CLN3: variants seen among roughly 807,000 people sequenced by gnomAD.
CLN3 encodes battenin.
A neutral mutation model predicts 60.7 loss-of-function variants in CLN3; 49 were observed. That is an observed-to-expected ratio of 0.81 (90% confidence interval 0.64 to 1.02). The LOEUF (loss-of-function observed/expected upper bound fraction) is 1.02, where lower values mean the gene tolerates loss of function less well. CLN3 is among the 50% of genes least tolerant of loss of function. The pLI, the probability that CLN3 is intolerant of heterozygous loss-of-function variation, is 0.00. For missense variants in CLN3, 516 were observed against 557.4 expected (o/e 0.93, Z 0.75); for synonymous variants, 256 against 245.8 (o/e 1.04, Z -0.39).
Position 28,491,600 on chromosome 16 carries a change from C to CAG in CLN3, c.47-42_47-41dup, listed in dbSNP as rs771988435. 6 of 1,613,608 alleles carry CAG rather than the reference C, an allele frequency of 3.7e-6. No individual in the cohort carries two copies. In the Admixed American group the frequency reaches 1.0e-4, roughly 27 times the overall value. ...AGAGGGCATGACCCCCACCTACTCT[C>CAG]AGGTGCACGACCGCTCCTTGCGTGT... On this transcript the variant is annotated intron_variant, in intron 2 of 15. Transcript: ENST00000636147.
chr16:28,481,494 G>A (rs917301706), intron 14 of CLN3, among the ~76,000 whole-genome samples: 18 of 147,716 alleles, frequency 1.2e-4, no homozygotes, highest in Admixed American at 8.9e-4. Flanking sequence ...CTTGTTCTTC[G>A]ATTCTTTCTC....
intron 4 of CLN3, 54 bp from the exon 5 acceptor site, chr16:28,488,716 G>C: frequency 1.3e-6 from 2 of 1,561,872 alleles, no homozygotes; most frequent in Non-Finnish European, 1.8e-6. Context: ...TAGACACACA[G>C]AGCCTGGCTC....
At chr16:28,483,249 T>A (rs749106497) in intron 10 of CLN3, among the ~76,000 whole-genome samples, 1 of 151,710 alleles carries the variant, frequency 6.6e-6, no homozygotes, top group African/African-American at 2.4e-5. Flanking sequence ...TGAGACAGAG[T>A]CTCACTCAGT....
downstream of CLN3, among the ~76,000 whole-genome samples, chr16:28,472,389 CAAAATAA>C (rs1567251373): frequency 6.6e-6 from 1 of 151,868 alleles, no homozygotes; most frequent in East Asian, 1.9e-4. Flanking sequence ...TGTCTCTAAA[CAAAATAA>C]AAAATAAAAG....
At chr16:28,472,650 G>A (rs182193011), downstream of CLN3, among the ~76,000 whole-genome samples, 56 of 150,852 alleles carry the variant, frequency 3.7e-4, 2 homozygotes, top group East Asian at 5.6e-3. Flanking sequence ...AGGCCAGCCT[G>A]GCCAACACGG....
At chr16:28,470,519 G>C (rs1177099837), downstream of CLN3, 2 of 900,602 alleles carry the variant, frequency 2.2e-6, no homozygotes, top group East Asian at 1.1e-4. Flanking sequence ...GAAGGGGACG[G>C]GGACCGGGGC....
rs749609898 is a variant in CLN3 at position 28,486,383 on chromosome 16, A to G, written c.641T>C (p.Leu214Pro). ...QAGLSPQQTLLSMLGIPALLL... is the reference protein window; with the variant it reads ...QAGLSPQQTLPSMLGIPALLL... ...CAGGGCAGGGATACCCAGCATGGAC[A>G]GCAGGGTCTGCTGAGGGGAGAGGCC... is the stretch of plus-strand genomic sequence containing the variant. Residue 214 changes from leucine (L) to proline (P), a missense_variant, in exon 9 of 16, where the codon CTG (leucine) becomes CCG (proline). Coordinates refer to ENST00000636147, the MANE Select transcript of CLN3 (RefSeq NM_001042432.2). 15 of 1,613,008 alleles carry G rather than the reference A, an allele frequency of 9.3e-6. No homozygotes were observed. The highest frequency in any genetic ancestry group is 1.3e-5 in the Non-Finnish European group (15 of 1,180,030).
chr16:28,487,316 C>T (rs909790576), intron 7 of CLN3, 140 bp downstream of exon 7: 1 of 749,576 alleles, frequency 1.3e-6, no homozygotes, highest in African/African-American at 1.7e-5. Flanking sequence ...TCTCCCATCG[C>T]CTACTGCTGA....
chr16:28,482,064 G>T, intron 14 of CLN3, 41 bp downstream of exon 14: 4 of 1,511,336 alleles, frequency 2.6e-6, no homozygotes, highest in Non-Finnish European at 3.7e-6. Flanking sequence ...GCCAAGCTGG[G>T]AGCCAAGGTG....
Position 28,482,409 on chromosome 16 carries a change from T to G in CLN3, c.907-27A>C, listed in dbSNP as rs552615254. 5 of 1,613,946 alleles carry G rather than the reference T, an allele frequency of 3.1e-6. No individual in the cohort carries two copies. The South Asian group carries it at 4.4e-5, about 14-fold the overall frequency. On this transcript the variant is annotated intron_variant, in intron 12 of 15. Coordinates refer to ENST00000636147, the MANE Select transcript of CLN3 (RefSeq NM_001042432.2). The stretch of plus-strand genomic sequence containing the variant: ...TGCAACAAATACCAGACAGGGGAGA[T>G]GGACGGGGCTGTGTGGGTCCCAGCC...
intron 14 of CLN3, among the ~76,000 whole-genome samples, chr16:28,480,233 G>A (rs1191589443): frequency 6.7e-6 from 1 of 149,810 alleles, no homozygotes; most frequent in East Asian, 1.9e-4. Flanking sequence ...TTAATTTTTT[G>A]TAGAGGTGGG....
intron 10 of CLN3, among the ~76,000 whole-genome samples, chr16:28,483,088 G>C (rs2046131530): frequency 1.3e-5 from 2 of 151,766 alleles, no homozygotes; most frequent in African/African-American, 4.8e-5. Context: ...TGGGCAACAA[G>C]AGCGAAACTC....
chr16:28,487,544 G>GAGGGGGTGAGAAGGGA lies in CLN3; in HGVS notation c.375-19_375-4dup, dbSNP rs755313503. The GAGGGGGTGAGAAGGGA allele has an allele frequency of 1.3e-4, 207 of 1,613,568 alleles. No homozygotes were observed. Among genetic ancestry groups the GAGGGGGTGAGAAGGGA allele is most frequent in the Admixed American group, 5.7e-4 (34 of 59,958 alleles). Reference sequence around the variant, plus strand: ...TCCCACTGACGAGAACCCGGGGGCTGAGGGGGTGAGAAGGGAAGGGAGGGG... The same window carrying GAGGGGGTGAGAAGGGA: ...TCCCACTGACGAGAACCCGGGGGCTGAGGGGGTGAGAAGGGAAGGGGGTGAGAAGGGAAGGGAGGGG... On this transcript the variant is annotated splice_polypyrimidine_tract_variant and splice_region_variant and intron_variant, in intron 6 of 15. Transcript: ENST00000636147.
At chr16:28,486,251 C>T in intron 9 of CLN3, 96 bp downstream of exon 9, 2 of 1,549,088 alleles carry the variant, frequency 1.3e-6, no homozygotes, top group South Asian at 2.3e-5. Flanking sequence ...CTTGGCCTCC[C>T]AAAGTGCTGG....
intron 14 of CLN3, 64 bp downstream of exon 14, chr16:28,482,040 TG>T: frequency 8.0e-7 from 1 of 1,252,102 alleles, no homozygotes; most frequent in Non-Finnish European, 1.2e-6. Context: ...GCAGGGGGTT[TG>T]GGGAAGCTGG....
chr16:28,470,900 T>A (rs1483919476), downstream of CLN3, among the ~76,000 whole-genome samples: 8 of 113,748 alleles, frequency 7.0e-5, no homozygotes, highest in Admixed American at 5.5e-4. Context: ...CGCCAAACCT[T>A]CTTCGGTCTG....
At position 28,486,542 on chromosome 16, in the gene CLN3, C is replaced by T. The variant is rs775170199; in HGVS notation, c.533+36G>A. 4 of 1,607,756 alleles carry T rather than the reference C, an allele frequency of 2.5e-6. No individual in the cohort carries two copies. The South Asian group carries it at 3.3e-5, about 13-fold the overall frequency. ...AGGAGGACCTAGGCTGACCATGGGA[C>T]AGCCTCTCCCCACACTCCCTGCTCC... is the stretch of plus-strand genomic sequence containing the variant. On this transcript the variant is annotated intron_variant, in intron 8 of 15. Coordinates refer to ENST00000636147, the MANE Select transcript of CLN3 (RefSeq NM_001042432.2).
rs746276318 is a variant in CLN3, at chr16:28,482,213, G to A, written c.963-15C>T. The A allele has an allele frequency of 6.8e-6, 11 of 1,608,160 alleles. No individual in the cohort carries two copies. The highest frequency in any genetic ancestry group is 9.3e-6 in the Non-Finnish European group (11 of 1,176,768). Reference sequence around the variant, plus strand: ...GCATCTGGTACCTGAGGTTAGGGTTGGGGGGAGGAGAGGAGGCTCCTCCAG... The same window carrying A: ...GCATCTGGTACCTGAGGTTAGGGTTAGGGGGAGGAGAGGAGGCTCCTCCAG... On this transcript the variant is annotated splice_polypyrimidine_tract_variant and intron_variant, in intron 13 of 15. Coordinates refer to ENST00000636147, the MANE Select transcript of CLN3 (RefSeq NM_001042432.2).
At chr16:28,481,101 G>A (rs2046082172) in intron 14 of CLN3, among the ~76,000 whole-genome samples, 2 of 151,988 alleles carry the variant, frequency 1.3e-5, no homozygotes, top group South Asian at 2.1e-4. Context: ...GGAAGGTTCC[G>A]ACTTTTCCTT....
Sources: allele counts gnomAD v4.1 joint callset (sites outside exome capture counted in the v4.1 genomes callset), GRCh38; gene constraint gnomAD v4.1.1; transcripts MANE v1.5; gene names NCBI Gene and HGNC (gene_info 2026-07-23, HGNC 2026-07-21).